The following PTGS1 variants were observed in gnomAD, a reference collection of about 807,000 sequenced individuals.
PTGS1 encodes the protein prostaglandin G/H synthase 1.
PTGS1 carries 40 observed loss-of-function variants against 63.0 expected under a neutral mutation model. The observed-to-expected ratio is 0.63, with a 90% CI of 0.49 to 0.83. PTGS1 has a LOEUF of 0.83. PTGS1 is among the 40% of genes least tolerant of loss of function. The probability of loss-of-function intolerance (pLI) is 0.00; values close to 1 mark genes in which losing one functional copy is unlikely to be tolerated. For synonymous variants in PTGS1, 298 were observed against 301.9 expected, an observed-to-expected ratio of 0.99 and a Z score of 0.13; for missense variants, 709 against 786.5, an observed-to-expected ratio of 0.90 and a Z score of 1.18.
intron 4 of PTGS1, 37 bp downstream of exon 4, chr9:122,378,610 A>C (rs1837328449): frequency 6.2e-7 from 1 of 1,613,786 alleles, no homozygotes. Context: ...CTGGGGGAGC[A>C]AGCAAGCCTG....
intron 10 of PTGS1, among the ~76,000 whole-genome samples, chr9:122,391,258 GTATA>G (rs1838208875): frequency 6.9e-6 from 1 of 144,534 alleles, no homozygotes; most frequent in Non-Finnish European, 1.5e-5. Context: ...TATGAATAGA[GTATA>G]TATACATATA....
Position 122,381,428 on chromosome 9 carries a change from A to C in PTGS1, c.554A>C (p.Lys185Thr), listed in dbSNP as rs3842792. ...LLARRFLLRR[K>T]FIPDPQGTNL... ...GCCCGCCGCTTCCTGCTCAGGAGGAAGTTCATACCTGACCCCCAAGGCACC... is the reference window on the plus strand; with the variant it reads ...GCCCGCCGCTTCCTGCTCAGGAGGACGTTCATACCTGACCCCCAAGGCACC... The change falls in exon 6 of 11, where the codon AAG (lysine) becomes ACG (threonine). Residue 185 changes from lysine (K) to threonine (T), a missense_variant. By Grantham distance (78) the Lys-to-Thr change is moderately conservative. Coordinates refer to ENST00000362012, the MANE Select transcript of PTGS1 (RefSeq NM_000962.4). The C allele has an allele frequency of 1.3e-3, 2,091 of 1,614,142 alleles. 22 individuals are homozygous for C. In the African/African-American group the frequency reaches 0.025, roughly 19 times the overall value.
intron 7 of PTGS1, among the ~76,000 whole-genome samples, 190 bp from the exon 8 acceptor site, chr9:122,383,319 C>T (rs1170370463): frequency 6.8e-6 from 1 of 148,094 alleles, no homozygotes; most frequent in African/African-American, 2.5e-5. Context: ...GGAAGATGAG[C>T]GGGGGTTGCT....
chr9:122,384,444 T>C (rs543032458), intron 8 of PTGS1, among the ~76,000 whole-genome samples: 8 of 151,988 alleles, frequency 5.3e-5, no homozygotes, highest in Non-Finnish European at 1.2e-4. Flanking sequence ...GAGCCAGGCA[T>C]TGGGAATAGG....
intron 2 of PTGS1, 198 bp downstream of exon 2, chr9:122,371,470 C>A: frequency 8.0e-7 from 1 of 1,242,718 alleles, no homozygotes; most frequent in Non-Finnish European, 1.1e-6. Flanking sequence ...AATGGGCTAT[C>A]TAGTTCTTTC....
intron 2 of PTGS1, among the ~76,000 whole-genome samples, chr9:122,373,138 T>G (rs1290360535): frequency 6.6e-6 from 1 of 152,112 alleles, no homozygotes; most frequent in East Asian, 1.9e-4. Flanking sequence ...ACTAAGAGAC[T>G]CGACCAGGAA....
At chr9:122,389,514 G>C (rs998632236) in intron 9 of PTGS1, among the ~76,000 whole-genome samples, 1 of 152,172 alleles carries the variant, frequency 6.6e-6, no homozygotes, top group Non-Finnish European at 1.5e-5. Flanking sequence ...TTTTTCTGCA[G>C]CTTTTTTATC....
At chr9:122,378,180 C>T (rs1033572402) in intron 3 of PTGS1, among the ~76,000 whole-genome samples, 165 bp downstream of exon 3, 5 of 152,168 alleles carry the variant, frequency 3.3e-5, no homozygotes, top group African/African-American at 4.8e-5. Flanking sequence ...CATGAGCTCT[C>T]GCTCTTGGTC....
At chr9:122,384,687 G>A (rs1837766317) in intron 8 of PTGS1, among the ~76,000 whole-genome samples, 1 of 152,116 alleles carries the variant, frequency 6.6e-6, no homozygotes, top group Admixed American at 6.5e-5. Context: ...CTCAGCAGAT[G>A]GAGACTTGAG....
At chr9:122,378,037 C>T in intron 3 of PTGS1, 22 bp downstream of exon 3, 4 of 1,595,814 alleles carry the variant, frequency 2.5e-6, no homozygotes, top group South Asian at 1.1e-5. Flanking sequence ...CTTCAGCCCT[C>T]ACTCCTTCCG....
chr9:122,371,774 C>G (rs779356120), intron 2 of PTGS1: 2 of 1,533,736 alleles, frequency 1.3e-6, no homozygotes, highest in Admixed American at 2.0e-5. Context: ...ATTTAGGAGC[C>G]GGGATGCTTC....
intron 5 of PTGS1, among the ~76,000 whole-genome samples, chr9:122,379,360 AC>A (rs1191918555): frequency 8.5e-5 from 13 of 152,306 alleles, no homozygotes; most frequent in Middle Eastern, 3.4e-3. Context: ...ACTTAGCCAC[AC>A]TGGCAGGGGT....
chr9:122,390,173 C>A, intron 9 of PTGS1, 25 bp from the exon 10 acceptor site: 1 of 1,608,676 alleles, frequency 6.2e-7, no homozygotes, highest in Admixed American at 1.7e-5. Flanking sequence ...GCTCCCAGAC[C>A]ACTGCTGTGC....
At chr9:122,387,041 C>T (rs113081473) in intron 9 of PTGS1, among the ~76,000 whole-genome samples, 140 of 152,008 alleles carry the variant, frequency 9.2e-4, no homozygotes, top group African/African-American at 3.2e-3. Context: ...GCGTGTCAGG[C>T]ACTGTTCTAA....
chr9:122,376,118 T>C (rs1837138184), intron 2 of PTGS1, among the ~76,000 whole-genome samples: 2 of 152,094 alleles, frequency 1.3e-5, no homozygotes, highest in African/African-American at 4.8e-5. Flanking sequence ...AGAGGCTTCT[T>C]GGCCTTTCTG....
chr9:122,378,066 C>A, intron 3 of PTGS1, 51 bp downstream of exon 3: 1 of 1,525,722 alleles, frequency 6.6e-7, no homozygotes, highest in Non-Finnish European at 9.0e-7. Flanking sequence ...CCTTCTGCTC[C>A]CCGGGCCCTT....
chr9:122,378,684 A>C, intron 4 of PTGS1, 91 bp from the exon 5 acceptor site: 3 of 1,601,464 alleles, frequency 1.9e-6, no homozygotes, highest in Non-Finnish European at 1.7e-6. Flanking sequence ...ATGATGCCTG[A>C]TAAAATAAGC....
chr9:122,386,568 A>T lies in PTGS1; in HGVS notation c.1132A>T (p.Met378Leu). 1 of 1,614,180 alleles carries T rather than the reference A, an allele frequency of 6.2e-7. No homozygotes were observed. The highest frequency in any genetic ancestry group is 8.5e-7 in the Non-Finnish European group (1 of 1,180,032). ...GTTCCAATACCGCAACCGCATTGCCATGGAGTTCAACCATCTCTACCACTG... is the reference window on the plus strand; with the variant it reads ...GTTCCAATACCGCAACCGCATTGCCTTGGAGTTCAACCATCTCTACCACTG... ...VQFQYRNRIAMEFNHLYHWHP... is the reference protein window; with the variant it reads ...VQFQYRNRIALEFNHLYHWHP... The change falls in exon 9 of 11, where the codon ATG (methionine) becomes TTG (leucine). Residue 378 changes from methionine (M) to leucine (L), a missense_variant. Coordinates refer to ENST00000362012, the MANE Select transcript of PTGS1 (RefSeq NM_000962.4).
chr9:122,390,819 C>A (rs1161019876), intron 10 of PTGS1, among the ~76,000 whole-genome samples: 2 of 152,048 alleles, frequency 1.3e-5, no homozygotes, highest in Non-Finnish European at 2.9e-5. Flanking sequence ...ATGGTGTGAA[C>A]CTGGGAGGCA....
Sources: allele counts gnomAD v4.1 joint callset (sites outside exome capture counted in the v4.1 genomes callset), GRCh38; gene constraint gnomAD v4.1.1; transcripts MANE v1.5; gene names NCBI Gene and HGNC (gene_info 2026-07-23, HGNC 2026-07-21).